The following FREM2 variants were observed in gnomAD, a reference collection of about 807,000 sequenced individuals.
The protein encoded by FREM2 is FRAS1 related extracellular matrix 2, also known as FRAS1-related extracellular matrix protein 2.
In FREM2, 119 loss-of-function variants were observed where a neutral mutation model predicts 219.9. That is an observed-to-expected ratio of 0.54 (90% CI 0.47 to 0.63). The LOEUF is 0.63. Ranked by LOEUF, FREM2 falls within the 30% of genes least tolerant of loss-of-function variation. The pLI is 0.00. For synonymous variants in FREM2, 1,562 were observed against 1,522.8 expected, an observed-to-expected ratio of 1.03 and a Z score of -0.60; for missense variants, 4,030 against 3,993.6, an observed-to-expected ratio of 1.01 and a Z score of -0.25.
intron 2 of FREM2, among the ~76,000 whole-genome samples, chr13:38,701,974 T>C (rs1870361459): frequency 1.3e-5 from 2 of 152,212 alleles, no homozygotes; most frequent in Non-Finnish European, 2.9e-5. Flanking sequence ...TACCGAACAT[T>C]AAATAAATGA....
intron 2 of FREM2, among the ~76,000 whole-genome samples, chr13:38,744,248 C>T (rs1229465878): frequency 1.8e-4 from 24 of 131,362 alleles, no homozygotes; most frequent in African/African-American, 6.4e-4. Flanking sequence ...TCTTGTTCTT[C>T]CCCCCAGGCT....
At chr13:38,850,798 C>A in intron 9 of FREM2, 146 bp from the exon 10 acceptor site, 1 of 828,768 alleles carries the variant, frequency 1.2e-6, no homozygotes, top group Non-Finnish European at 2.0e-6. Flanking sequence ...CAGCAAATAT[C>A]TGCTGAAGGC....
chr13:38,708,815 A>G (rs1429818310), intron 2 of FREM2, among the ~76,000 whole-genome samples: 1 of 152,092 alleles, frequency 6.6e-6, no homozygotes, highest in Non-Finnish European at 1.5e-5. Flanking sequence ...GCTGGAATGC[A>G]ATGGTGCGAT....
At chr13:38,868,551 C>A (rs987156234) in intron 16 of FREM2, among the ~76,000 whole-genome samples, 1 of 152,172 alleles carries the variant, frequency 6.6e-6, no homozygotes, top group African/African-American at 2.4e-5. Context: ...GTCATGGATG[C>A]AATTGCAAGA....
At position 38,881,010 on chromosome 13, in the gene FREM2, C is replaced by T. The variant is rs115575417; in HGVS notation, c.*223C>T. ...CCTCTTGCCCCAAAGGCAGCAACAA[C>T]GTACTCATATGTACACAGAGCCATG... is the stretch of plus-strand genomic sequence containing the variant. On this transcript the variant is annotated 3_prime_UTR_variant, in exon 24 of 24. Coordinates refer to ENST00000280481, the MANE Select transcript of FREM2 (RefSeq NM_207361.6). The T allele has an allele frequency of 1.0e-3, 624 of 614,140 alleles. 3 individuals are homozygous for T. The highest frequency in any genetic ancestry group is 0.01 in the African/African-American group (550 of 54,920). 38.0% of individuals were successfully genotyped at this position (614,140 alleles called of 1,614,324 possible). A position where few individuals can be genotyped will look rare whatever the true frequency, so the allele number is the denominator to read the frequency against.
intron 7 of FREM2, among the ~76,000 whole-genome samples, chr13:38,847,654 CAA>C (rs1327717439): frequency 6.6e-6 from 1 of 151,730 alleles, no homozygotes; most frequent in Admixed American, 6.6e-5. Flanking sequence ...CAAAATGAAT[CAA>C]AGACAGATAT....
intron 2 of FREM2, among the ~76,000 whole-genome samples, chr13:38,740,120 TTTGAG>T (rs1226910741): frequency 6.6e-6 from 1 of 152,180 alleles, no homozygotes; most frequent in East Asian, 1.9e-4. Flanking sequence ...CTAAAGAAAC[TTTGAG>T]TTATGAATCA....
At chr13:38,714,302 T>C (rs1870895071) in intron 2 of FREM2, among the ~76,000 whole-genome samples, 1 of 152,212 alleles carries the variant, frequency 6.6e-6, no homozygotes, top group Non-Finnish European at 1.5e-5. Context: ...CCACAGGGCA[T>C]GGGGCTACAA....
intron 2 of FREM2, among the ~76,000 whole-genome samples, chr13:38,725,192 T>C (rs1174330927): frequency 3.9e-5 from 6 of 152,170 alleles, no homozygotes; most frequent in Non-Finnish European, 1.5e-5. Context: ...CATTTATTCG[T>C]TCATTGCTCA....
In FREM2 at chr13:38,856,195, A is replaced by G; in HGVS notation, c.6995A>G (p.Glu2332Gly). ...EIEVTFDGVR[E>G]MREAFTVHLK... Reference sequence around the variant, plus strand: ...GAAGTTACCTTTGACGGGGTGAGAGAGATGAGAGAGGCCTTCACTGTTCAC... The same window carrying G: ...GAAGTTACCTTTGACGGGGTGAGAGGGATGAGAGAGGCCTTCACTGTTCAC... Residue 2332 changes from glutamate (E) to glycine (G), a missense_variant, in exon 12 of 24, where the codon GAG (glutamate) becomes GGG (glycine). By Grantham distance (98) the Glu-to-Gly change is moderately conservative. Transcript: ENST00000280481. 6.2e-7 allele frequency: 1 copy of G among 1,612,460 alleles called. No homozygotes were observed. The highest frequency in any genetic ancestry group is 8.5e-7 in the Non-Finnish European group (1 of 1,178,572).
chr13:38,838,936 C>T (rs140998149), intron 6 of FREM2, among the ~76,000 whole-genome samples: 1,870 of 152,178 alleles, frequency 0.012, 19 homozygotes, highest in Non-Finnish European at 0.018. Context: ...TTTGTTATTA[C>T]CCACCTTCTG....
chr13:38,710,141 G>A (rs1461298859), intron 2 of FREM2, among the ~76,000 whole-genome samples: 1 of 151,878 alleles, frequency 6.6e-6, no homozygotes, highest in African/African-American at 2.4e-5. Context: ...CCGAGATTGC[G>A]CGACTGCACT....
At position 38,687,349 on chromosome 13, in the gene FREM2, A is replaced by G. The variant is rs1869501983; in HGVS notation, c.5A>G (p.His2Arg). 1.2e-6 allele frequency: 2 copies of G among 1,603,446 alleles called. No individual in the cohort carries two copies. Among genetic ancestry groups the G allele is most frequent in the African/African-American group, 2.7e-5 (2 of 74,562 alleles). The change falls in exon 1 of 24, where the codon CAC (histidine) becomes CGC (arginine). Residue 2 changes from histidine (H) to arginine (R), a missense_variant. Transcript: ENST00000280481. The stretch of plus-strand genomic sequence containing the variant: ...CCAAGCCCGAACACCGGGACCATGC[A>G]CTCAGCCGGGACTCCCGGGTTATCC... M[H>R]SAGTPGLSSR...
chr13:38,819,544 A>G (rs527447316), intron 6 of FREM2, among the ~76,000 whole-genome samples: 1 of 152,234 alleles, frequency 6.6e-6, no homozygotes, highest in Admixed American at 6.5e-5. Context: ...GTAGTCTGCT[A>G]GAGTGGTTTT....
chr13:38,784,098 CA>C lies in FREM2; in HGVS notation c.5768-450del, dbSNP rs34801938. 1.3e-4 allele frequency among the ~76,000 whole-genome samples: 19 copies of C among 150,932 alleles called. No individual in the cohort carries two copies. In the South Asian group the frequency reaches 1.5e-3, roughly 12 times the overall value. On this transcript the variant is annotated intron_variant, in intron 5 of 23. Transcript: ENST00000280481. Reference sequence around the variant, plus strand: ...TGGGCAACAGAGCGAAACTCAGTCTCAAAAAAAAAGCTGACTTCAGGACCAG... The same window carrying C: ...TGGGCAACAGAGCGAAACTCAGTCTCAAAAAAAAGCTGACTTCAGGACCAG...
At chr13:38,758,120 C>T (rs1361871666) in intron 2 of FREM2, among the ~76,000 whole-genome samples, 1 of 152,186 alleles carries the variant, frequency 6.6e-6, no homozygotes, top group Non-Finnish European at 1.5e-5. Context: ...CCTGAGTCAC[C>T]TCTGGATGAT....
At chr13:38,879,700 T>C (rs1017908597) in intron 23 of FREM2, among the ~76,000 whole-genome samples, 4 of 152,214 alleles carry the variant, frequency 2.6e-5, no homozygotes, top group African/African-American at 4.8e-5. Flanking sequence ...AAACAAGAAG[T>C]TGAAGTATGA....
chr13:38,814,803 C>T (rs1174886434), intron 6 of FREM2, among the ~76,000 whole-genome samples: 1 of 152,214 alleles, frequency 6.6e-6, no homozygotes, highest in African/African-American at 2.4e-5. Context: ...CTGCTCTTCT[C>T]TCCCCTTTTC....
rs575577035 is a variant in FREM2 at position 38,801,720 on chromosome 13, G to A, written c.6019+16912G>A. Among the ~76,000 whole-genome samples the A allele has an allele frequency of 2.0e-4, 30 of 152,240 alleles. 1 individual carries two copies. The South Asian group carries it at 5.8e-3, about 30-fold the overall frequency. On this transcript the variant is annotated intron_variant, in intron 6 of 23. Transcript: ENST00000280481. The stretch of plus-strand genomic sequence containing the variant: ...AGGCCAGTCTTTGAGCCCCAGTGGT[G>A]GCAGTGGTAACCTAAGCATGCCTGT...
Sources: allele counts gnomAD v4.1 joint callset (sites outside exome capture counted in the v4.1 genomes callset), GRCh38; gene constraint gnomAD v4.1.1; transcripts MANE v1.5; gene names NCBI Gene and HGNC (gene_info 2026-07-23, HGNC 2026-07-21).